SMYD3: variants seen among roughly 807,000 people sequenced by gnomAD.
SMYD3 encodes the protein histone-lysine N-methyltransferase SMYD3.
A neutral mutation model predicts 57.7 loss-of-function variants in SMYD3; 36 were observed. That is an observed-to-expected ratio of 0.62 (90% CI 0.48 to 0.82). SMYD3 has a LOEUF of 0.82. Among genes scored for constraint, SMYD3 ranks in the 40% least tolerant of loss-of-function variants. SMYD3 has a pLI of 0.00. For synonymous variants in SMYD3, 211 were observed against 195.0 expected, an observed-to-expected ratio of 1.08 and a Z score of -0.68; for missense variants, 515 against 538.8, an observed-to-expected ratio of 0.96 and a Z score of 0.44.
chr1:245,994,588 C>T (rs2058885409), intron 5 of SMYD3, among the ~76,000 whole-genome samples: 1 of 152,180 alleles, frequency 6.6e-6, no homozygotes, highest in Non-Finnish European at 1.5e-5. Flanking sequence ...GGTCATCTCC[C>T]ACATTTAGGA....
At chr1:246,152,979 A>T (rs953550577) in intron 5 of SMYD3, among the ~76,000 whole-genome samples, 17 of 152,198 alleles carry the variant, frequency 1.1e-4, no homozygotes, top group African/African-American at 3.6e-4. Flanking sequence ...TGATGGAGGA[A>T]ATCATGCAAC....
At position 245,915,506 on chromosome 1, in the gene SMYD3, T is replaced by C. The variant is rs746799686; in HGVS notation, c.813+24A>G. The C allele has an allele frequency of 5.9e-6, 9 of 1,514,792 alleles. 1 individual carries two copies. The highest frequency in any genetic ancestry group is 3.4e-4 in the Middle Eastern group (2 of 5,878). 93.8% of individuals were successfully genotyped at this position (1,514,792 alleles called of 1,614,324 possible). A position where few individuals can be genotyped will look rare whatever the true frequency, so the allele number is the denominator to read the frequency against. Reference sequence around the variant, plus strand: ...ATTGAGATTTTGCCGTGGAGGTGTTTCAATCTGGTTCCATACTACATACCT... The same window carrying C: ...ATTGAGATTTTGCCGTGGAGGTGTTCCAATCTGGTTCCATACTACATACCT... On this transcript the variant is annotated intron_variant, in intron 8 of 11. Coordinates refer to ENST00000490107, the MANE Select transcript of SMYD3 (RefSeq NM_001167740.2).
chr1:246,278,137 G>A (rs886223302), intron 5 of SMYD3, among the ~76,000 whole-genome samples: 1 of 151,986 alleles, frequency 6.6e-6, no homozygotes, highest in Non-Finnish European at 1.5e-5. Flanking sequence ...AATGCCTCAG[G>A]TCGGCCTGGA....
At chr1:246,143,168 CAT>C in intron 5 of SMYD3, among the ~76,000 whole-genome samples, 1 of 147,952 alleles carries the variant, frequency 6.8e-6, no homozygotes, top group African/African-American at 2.5e-5. Context: ...CACACACAAA[CAT>C]GCATCCTCCA....
At chr1:246,049,452 A>G (rs1418453344) in intron 5 of SMYD3, among the ~76,000 whole-genome samples, 11 of 140,728 alleles carry the variant, frequency 7.8e-5, no homozygotes, top group African/African-American at 2.0e-4. Context: ...GCCCGCCACC[A>G]CGCCTGGCTA....
At chr1:246,470,639 GTGTA>G (rs138178583) in intron 1 of SMYD3, among the ~76,000 whole-genome samples, 2,452 of 149,114 alleles carry the variant, frequency 0.016, 30 homozygotes, top group Non-Finnish European at 0.024. Context: ...TATATATATA[GTGTA>G]TGTATGTGTA....
intron 5 of SMYD3, among the ~76,000 whole-genome samples, chr1:246,260,105 G>C (rs2063976804): frequency 6.6e-6 from 1 of 152,172 alleles, no homozygotes; most frequent in Admixed American, 6.5e-5. Flanking sequence ...CCTATATGAG[G>C]ATCTCTGCAC....
chr1:246,076,675 TTG>T (rs147337189), intron 5 of SMYD3, among the ~76,000 whole-genome samples: 18,606 of 98,370 alleles, frequency 0.19, 2,319 homozygotes, highest in African/African-American at 0.49. Flanking sequence ...CTGTCTGGTT[TTG>T]TTTTTTTTTT....
At chr1:245,927,093 G>C (rs2056424921) in intron 7 of SMYD3, among the ~76,000 whole-genome samples, 2 of 152,242 alleles carry the variant, frequency 1.3e-5, no homozygotes, top group African/African-American at 4.8e-5. Context: ...TGCAATAAAA[G>C]CTTTCAGTAC....
intron 9 of SMYD3, among the ~76,000 whole-genome samples, chr1:245,860,882 C>A (rs879048070): frequency 2.0e-5 from 3 of 152,186 alleles, no homozygotes; most frequent in Admixed American, 2.0e-4. Context: ...TGTGGCAAGA[C>A]TTGTACCTTA....
At chr1:245,769,397 ATCCCATT>A (rs1404923996) in intron 10 of SMYD3, among the ~76,000 whole-genome samples, 7 of 152,230 alleles carry the variant, frequency 4.6e-5, no homozygotes, top group Non-Finnish European at 1.0e-4. Context: ...GCAAAGTCAA[ATCCCATT>A]TCATGCAAAA....
At chr1:245,971,721 G>A (rs1003332872) in intron 5 of SMYD3, among the ~76,000 whole-genome samples, 5 of 152,120 alleles carry the variant, frequency 3.3e-5, no homozygotes, top group Admixed American at 2.0e-4. Context: ...CTCAATTCAT[G>A]GTTGGTGGGT....
chr1:246,140,306 A>G (rs780522791), intron 5 of SMYD3, among the ~76,000 whole-genome samples: 8 of 152,174 alleles, frequency 5.3e-5, no homozygotes, highest in Non-Finnish European at 1.2e-4. Context: ...CTCTAAGCCT[A>G]TTTCCTCCTC....
At chr1:246,473,248 T>C (rs1012998211) in intron 1 of SMYD3, among the ~76,000 whole-genome samples, 2 of 152,208 alleles carry the variant, frequency 1.3e-5, no homozygotes, top group Non-Finnish European at 2.9e-5. Context: ...TACGAGAAAC[T>C]ATTAAGTTAA....
chr1:246,006,022 A>G (rs2059161659), intron 5 of SMYD3, among the ~76,000 whole-genome samples: 1 of 97,672 alleles, frequency 1.0e-5, no homozygotes, highest in Non-Finnish European at 2.7e-5. Flanking sequence ...ACAGCTAGAT[A>G]TTGAAAGGGG....
intron 5 of SMYD3, among the ~76,000 whole-genome samples, chr1:246,140,586 G>A (rs939699059): frequency 3.9e-5 from 6 of 151,976 alleles, no homozygotes; most frequent in East Asian, 1.9e-4. Flanking sequence ...TTTTTATCCC[G>A]CCCATTTGGA....
intron 5 of SMYD3, among the ~76,000 whole-genome samples, chr1:246,246,083 C>G (rs368085727): frequency 2.6e-5 from 4 of 152,252 alleles, no homozygotes; most frequent in African/African-American, 9.6e-5. Flanking sequence ...AGAAAGATTA[C>G]AGTATTTTGT....
At chr1:246,092,590 C>T (rs2060842045) in intron 5 of SMYD3, among the ~76,000 whole-genome samples, 1 of 152,146 alleles carries the variant, frequency 6.6e-6, no homozygotes, top group African/African-American at 2.4e-5. Context: ...CCCCACCTCT[C>T]ACCACATACA....
intron 8 of SMYD3, among the ~76,000 whole-genome samples, chr1:245,874,556 C>G (rs1173260821): frequency 6.6e-6 from 1 of 152,202 alleles, no homozygotes; most frequent in South Asian, 2.1e-4. Flanking sequence ...TCCCCTAAGT[C>G]TTCAGAGTTG....
Sources: gnomAD v4.1 joint callset for allele counts (sites outside exome capture counted in the v4.1 genomes callset) on GRCh38, gnomAD v4.1.1 for gene constraint, MANE v1.5 for transcripts, NCBI Gene and HGNC (gene_info 2026-07-23, HGNC 2026-07-21) for gene names.